HSPG2: variants seen among roughly 807,000 people sequenced by gnomAD.
HSPG2 encodes the protein basement membrane-specific heparan sulfate proteoglycan core protein.
Under a neutral mutation model 526.6 loss-of-function variants are expected in HSPG2, and 278 were observed. The ratio of observed to expected loss-of-function variants is 0.53; its 90% CI spans 0.48 to 0.58. HSPG2 has a LOEUF of 0.58. Among genes scored for constraint, HSPG2 ranks in the 20% least tolerant of loss-of-function variants. The probability of loss-of-function intolerance (pLI) is 0.00; values close to 1 mark genes in which losing one functional copy is unlikely to be tolerated. For missense variants in HSPG2, 5,354 were observed against 6,099.5 expected, an observed-to-expected ratio of 0.88 and a Z score of 4.07; for synonymous variants, 2,465 against 2,555.4, an observed-to-expected ratio of 0.96 and a Z score of 1.07.
Position 21,850,438 on chromosome 1 carries a change from A to G in HSPG2, c.7219T>C (p.Cys2407Arg). The change falls in exon 56 of 97, where the codon TGC becomes CGC. Residue 2407 changes from cysteine to arginine, a missense_variant. Coordinates refer to ENST00000374695, the MANE Select transcript of HSPG2 (RefSeq NM_005529.7). ...GGCACGGAGCTGCCCAACACTCGGCACACGTACTCGCCCGAGTCGGCGGGG... is the reference window on the plus strand; with the variant it reads ...GGCACGGAGCTGCCCAACACTCGGCGCACGTACTCGCCCGAGTCGGCGGGG... ...ASPADSGEYV[C>R]RVLGSSVPLE... The G allele has an allele frequency of 6.2e-7, 1 of 1,611,886 alleles. No homozygotes were observed. The highest frequency in any genetic ancestry group is 8.5e-7 in the Non-Finnish European group (1 of 1,179,052).
rs1280094853 is a variant in HSPG2 at position 21,822,992 on chromosome 1, G to C, written c.*324C>G. ...AAGGGCTGCAGAAACAGGCCACCCA[G>C]CTCTATCTGGGGGCTCCATCGGTGG... On this transcript the variant is annotated 3_prime_UTR_variant, in exon 97 of 97. Coordinates refer to ENST00000374695, the MANE Select transcript of HSPG2 (RefSeq NM_005529.7). 4.0e-6 allele frequency: 1 copy of C among 250,696 alleles called. No individual in the cohort carries two copies. The highest frequency in any genetic ancestry group is 7.6e-6 in the Non-Finnish European group (1 of 131,490). 15.5% of individuals were successfully genotyped at this position (250,696 alleles called of 1,614,324 possible).
intron 6 of HSPG2, chr1:21,888,731 A>T (rs972066385): frequency 7.3e-7 from 1 of 1,363,318 alleles, no homozygotes; most frequent in Non-Finnish European, 9.8e-7. Flanking sequence ...GGAAAGGAAG[A>T]TGTGATCAGT....
In HSPG2 at chr1:21,848,641, A is replaced by G; in HGVS notation, c.7737+2T>C. 6.2e-7 allele frequency: 1 copy of G among 1,612,848 alleles called. No individual in the cohort carries two copies. The highest frequency in any genetic ancestry group is 8.5e-7 in the Non-Finnish European group (1 of 1,179,938). On this transcript the variant is annotated splice_donor_variant, in intron 59 of 96. Transcript: ENST00000374695. LOFTEE classifies it high-confidence loss of function. The surrounding 1 kb of genome is among the most constrained non-coding windows in gnomAD (Gnocchi z 4.9). ...TGCCCTCCCCACCTGCTGGCCCTGT[A>G]CCTGGTGCCGGCTGGGTAAGCTGCC...
intron 12 of HSPG2, 26 bp from the exon 13 acceptor site, chr1:21,884,700 G>A: frequency 6.2e-7 from 1 of 1,610,196 alleles, no homozygotes; most frequent in South Asian, 1.1e-5. Flanking sequence ...GGCGGGGGCT[G>A]CAGCCGGCTG....
rs757183291 is a variant in HSPG2 at position 21,884,579 on chromosome 1, G to A, written c.1603C>T (p.Arg535Cys). The change falls in exon 13 of 97, where the codon CGC (arginine) becomes TGC (cysteine). Residue 535 changes from arginine to cysteine, a missense_variant. Physicochemically the swap from Arg to Cys is radical, Grantham distance 180. Coordinates refer to ENST00000374695, the MANE Select transcript of HSPG2 (RefSeq NM_005529.7). ...GITSVCQSTR[R>C]FRDQIRLRFD... ...CGCAGCCTGATCTGGTCCCGGAAGC[G>A]GCGGGTGCTCTGGCACACGCTGGTG... 5.6e-6 allele frequency: 9 copies of A among 1,610,790 alleles called. 1 individual carries two copies. In the Admixed American group the frequency reaches 6.7e-5, roughly 12 times the overall value.
Position 21,832,981 on chromosome 1 carries a change from G to A in HSPG2, c.11095+287C>T, listed in dbSNP as rs188381672. 22 of 563,856 alleles carry A rather than the reference G, an allele frequency of 3.9e-5. No homozygotes were observed. In the East Asian group the frequency reaches 6.4e-4, roughly 16 times the overall value. 34.9% of individuals were successfully genotyped at this position (563,856 alleles called of 1,614,324 possible). On this transcript the variant is annotated intron_variant, in intron 80 of 96. Transcript: ENST00000374695. ...GAGGCAGAGGAGGGAGGAAGGAGCAGAGATGGGGAAAGGAAGCTGGGACAG... is the reference window on the plus strand; with the variant it reads ...GAGGCAGAGGAGGGAGGAAGGAGCAAAGATGGGGAAAGGAAGCTGGGACAG...
Position 21,838,950 on chromosome 1 carries a change from C to T in HSPG2, c.10025G>A (p.Arg3342Lys), listed in dbSNP as rs570850437. The T allele has an allele frequency of 1.9e-4, 299 of 1,612,672 alleles. 5 individuals are homozygous for T. The South Asian group carries it at 3.2e-3, about 17-fold the overall frequency. The change falls in exon 74 of 97, where the codon AGG (arginine) becomes AAG (lysine). Residue 3342 changes from arginine to lysine, a missense_variant. Transcript: ENST00000374695. ...WSRVGSSLPGRATARNELLHF... is the reference protein window; with the variant it reads ...WSRVGSSLPGKATARNELLHF... Reference sequence around the variant, plus strand: ...CAGCAGCTCGTTCCTGGCGGTCGCCCTCCCAGGAAGGCTGCTGCCCACGCG... The same window carrying T: ...CAGCAGCTCGTTCCTGGCGGTCGCCTTCCCAGGAAGGCTGCTGCCCACGCG...
intron 3 of HSPG2, among the ~76,000 whole-genome samples, chr1:21,892,862 C>CAAAAAAAAAAAAA (rs564802827): frequency 9.6e-6 from 1 of 103,924 alleles, no homozygotes; most frequent in Non-Finnish European, 1.9e-5. Flanking sequence ...GACTCCATCT[C>CAAAAAAAAAAAAA]AAAAAAAAAA....
chr1:21,860,515 A>C (rs769236308), intron 39 of HSPG2, among the ~76,000 whole-genome samples: 19 of 151,886 alleles, frequency 1.3e-4, no homozygotes, highest in Admixed American at 3.3e-4. Flanking sequence ...TTTTTGAGAC[A>C]GATTCTCGCT....
chr1:21,870,725 AC>A, intron 33 of HSPG2: 1 of 586,918 alleles, frequency 1.7e-6, no homozygotes, highest in Non-Finnish European at 2.1e-6. Flanking sequence ...ATTCATGCAG[AC>A]CCCCAATGCC....
chr1:21,928,050 C>T (rs989678399), intron 1 of HSPG2, among the ~76,000 whole-genome samples: 1 of 152,254 alleles, frequency 6.6e-6, no homozygotes, highest in African/African-American at 2.4e-5. Flanking sequence ...GGTGCATCCA[C>T]CTGGTTACTT....
At chr1:21,921,696 G>T (rs764794284) in intron 1 of HSPG2, among the ~76,000 whole-genome samples, 2 of 152,174 alleles carry the variant, frequency 1.3e-5, no homozygotes, top group African/African-American at 4.8e-5. Flanking sequence ...CCCGGGCTGC[G>T]GCACCCCCAG....
At chr1:21,927,297 C>T (rs1644225027) in intron 1 of HSPG2, among the ~76,000 whole-genome samples, 1 of 152,166 alleles carries the variant, frequency 6.6e-6, no homozygotes, top group Admixed American at 6.5e-5. Flanking sequence ...ACCCAACAGC[C>T]CAAGCCCAAA....
intron 1 of HSPG2, among the ~76,000 whole-genome samples, chr1:21,919,498 A>C (rs962663302): frequency 6.6e-6 from 1 of 151,894 alleles, no homozygotes; most frequent in Non-Finnish European, 1.5e-5. Flanking sequence ...GGGCTTTGAC[A>C]CCCTATTCTT....
chr1:21,835,058 C>T (rs2098020867), intron 76 of HSPG2, 113 bp from the exon 77 acceptor site: 1 of 1,197,744 alleles, frequency 8.3e-7, no homozygotes, highest in East Asian at 2.4e-5. Context: ...CATTCATTCA[C>T]TCCTCATTCA....
intron 1 of HSPG2, among the ~76,000 whole-genome samples, chr1:21,920,894 C>T (rs1280915618): frequency 6.6e-6 from 1 of 152,162 alleles, no homozygotes; most frequent in African/African-American, 2.4e-5. Context: ...CCTTCCAGCC[C>T]TTTCCTACAT....
Position 21,904,048 on chromosome 1 carries a change from C to T in HSPG2, c.64-7738G>A, listed in dbSNP as rs972411393. Among the ~76,000 whole-genome samples, 1 of 152,206 alleles carries T rather than the reference C, an allele frequency of 6.6e-6. No homozygotes were observed. Among genetic ancestry groups the T allele is most frequent in the Non-Finnish European group, 1.5e-5 (1 of 68,036 alleles). ...ACTTCAACCTCGACTTACGGGGTAC[C>T]TACTATGTGCTGGGCCCGGGGGACA... On this transcript the variant is annotated intron_variant, in intron 1 of 96. Coordinates refer to ENST00000374695, the MANE Select transcript of HSPG2 (RefSeq NM_005529.7). The surrounding 1 kb of genome is among the most constrained non-coding windows in gnomAD (Gnocchi z 4.4).
In HSPG2 at chr1:21,848,287, C is replaced by T. The variant is rs975227695; in HGVS notation, c.7738-194G>A. On this transcript the variant is annotated intron_variant, in intron 59 of 96. Transcript: ENST00000374695. This position sits in a 1 kb window ranked among gnomAD's most constrained non-coding sequence, Gnocchi z 4.9. Reference sequence around the variant, plus strand: ...GACGTCTAGCCTTTTGTCACCCCTCCAGAAAGCCTGTTAAGGCCCTCCGGA... The same window carrying T: ...GACGTCTAGCCTTTTGTCACCCCTCTAGAAAGCCTGTTAAGGCCCTCCGGA... Among the ~76,000 whole-genome samples the T allele has an allele frequency of 6.6e-6, 1 of 152,134 alleles. No individual in the cohort carries two copies. Among genetic ancestry groups the T allele is most frequent in the Non-Finnish European group, 1.5e-5 (1 of 68,030 alleles).
At position 21,823,396 on chromosome 1, in the gene HSPG2, G is replaced by A. The variant is rs771945509; in HGVS notation, c.13096C>T (p.Pro4366Ser). 52 of 1,564,236 alleles carry A rather than the reference G, an allele frequency of 3.3e-5. No homozygotes were observed. The Middle Eastern group carries it at 1.2e-3, about 35-fold the overall frequency. The change falls in exon 97 of 97, where the codon CCC (proline) becomes TCC (serine). Residue 4366 changes from proline (P) to serine (S), a missense_variant. Transcript: ENST00000374695. ...VKNLVLHSAR[P>S]GAPPPQPLDL... ...AGGGGCTGTGGGGGCGGGGCGCCGG[G>A]TCGGGCCGAGTGCAGCACCAGGTTC...
Sources: allele counts gnomAD v4.1 joint callset (sites outside exome capture counted in the v4.1 genomes callset), GRCh38; gene constraint gnomAD v4.1.1; non-coding constraint Gnocchi (gnomAD v3.1); transcripts MANE v1.5; gene names NCBI Gene and HGNC (gene_info 2026-07-23, HGNC 2026-07-21).